The following TNRC18 variants were observed in gnomAD, a reference collection of about 807,000 sequenced individuals.
The protein encoded by TNRC18 is trinucleotide repeat-containing gene 18 protein.
In TNRC18, 69 loss-of-function variants were observed where a neutral mutation model predicts 226.7. The ratio of observed to expected loss-of-function variants is 0.30; its 90% CI spans 0.25 to 0.37. TNRC18 has a LOEUF of 0.37. Ranked by LOEUF, TNRC18 falls within the 10% of genes least tolerant of loss-of-function variation. The pLI is 1.00. For missense variants in TNRC18, 4,754 were observed against 4,256.6 expected (o/e 1.12, Z -3.25); for synonymous variants, 2,449 against 1,927.6 (o/e 1.27, Z -7.09).
chr7:5,402,120 C>A (rs949940229), intron 2 of TNRC18, among the ~76,000 whole-genome samples: 19 of 143,072 alleles, frequency 1.3e-4, no homozygotes, highest in Middle Eastern at 3.9e-3. Context: ...CGGAGCATGC[C>A]GTGAGCTGAG....
chr7:5,368,749 G>C (rs920772357), intron 11 of TNRC18, among the ~76,000 whole-genome samples: 2 of 151,806 alleles, frequency 1.3e-5, no homozygotes, highest in Admixed American at 6.6e-5. Flanking sequence ...CTTAATTTGA[G>C]AAGTAAATAT....
intron 17 of TNRC18, among the ~76,000 whole-genome samples, chr7:5,349,762 G>A (rs932119556): frequency 3.9e-5 from 6 of 152,220 alleles, no homozygotes; most frequent in Admixed American, 2.0e-4. Context: ...GTGGAGGGAT[G>A]GTCGGGCTGC....
chr7:5,367,119 C>G (rs547211372), intron 11 of TNRC18, among the ~76,000 whole-genome samples: 1 of 152,192 alleles, frequency 6.6e-6, no homozygotes, highest in South Asian at 2.1e-4. Flanking sequence ...AATCCCAGCA[C>G]TTTGGGAGGC....
chr7:5,414,253 C>G (rs1782019090), intron 2 of TNRC18, among the ~76,000 whole-genome samples: 1 of 151,694 alleles, frequency 6.6e-6, no homozygotes, highest in Non-Finnish European at 1.5e-5. Context: ...GCCTCACTGT[C>G]TTTTTTGATA....
intron 2 of TNRC18, chr7:5,420,745 G>C (rs919393325): frequency 1.3e-5 from 8 of 603,832 alleles, no homozygotes; most frequent in African/African-American, 1.3e-4. Flanking sequence ...CCCAGATTTT[G>C]AAAACTCCAG....
rs1479693418 is a variant in TNRC18, at chr7:5,328,005, T to G, written c.6148-2757A>C. On this transcript the variant is annotated intron_variant, in intron 19 of 29. Coordinates refer to ENST00000430969, the MANE Select transcript of TNRC18 (RefSeq NM_001080495.3). ...GGGAAGCCAAGGCAGGCGGATCACT[T>G]GAGGCCAGGAGTTCGAGACCAGCCC... is the stretch of plus-strand genomic sequence containing the variant. Among the ~76,000 whole-genome samples, 6 of 152,068 alleles carry G rather than the reference T, an allele frequency of 3.9e-5. No individual in the cohort carries two copies. In the East Asian group the frequency reaches 7.8e-4, roughly 20 times the overall value.
chr7:5,373,982 A>G (rs1184683168), intron 10 of TNRC18, 73 bp downstream of exon 10: 21 of 1,243,652 alleles, frequency 1.7e-5, no homozygotes, highest in Admixed American at 3.2e-5. Context: ...GAACGGGTCA[A>G]TGAAAAGATG....
intron 11 of TNRC18, among the ~76,000 whole-genome samples, chr7:5,368,581 C>T (rs1466104390): frequency 6.9e-6 from 1 of 144,396 alleles, no homozygotes. Context: ...GGAAAAATCG[C>T]TTGAACCTGG....
chr7:5,358,928 G>A (rs375382511), intron 15 of TNRC18, among the ~76,000 whole-genome samples: 1 of 152,194 alleles, frequency 6.6e-6, no homozygotes. Context: ...TCAATGTTCT[G>A]AAGAAATAAG....
chr7:5,338,961 T>G (rs1790399161), intron 18 of TNRC18, among the ~76,000 whole-genome samples: 1 of 140,078 alleles, frequency 7.1e-6, no homozygotes, highest in Admixed American at 7.2e-5. Flanking sequence ...ATTCTGGCTC[T>G]CCACAACCTC....
At chr7:5,415,279 G>A (rs1284859165) in intron 2 of TNRC18, among the ~76,000 whole-genome samples, 6 of 151,888 alleles carry the variant, frequency 4.0e-5, no homozygotes, top group Admixed American at 3.9e-4. Flanking sequence ...CAGATCAGTC[G>A]GGTGGGGGTG....
In TNRC18 at chr7:5,377,678, G is replaced by A; in HGVS notation, c.2256-102C>T. 1 of 1,302,812 alleles carries A rather than the reference G, an allele frequency of 7.7e-7. No individual in the cohort carries two copies. The highest frequency in any genetic ancestry group is 2.5e-5 in the East Asian group (1 of 39,336). The allele number at this position is 1,302,812 out of a possible 1,614,324, so 80.7% of individuals were successfully genotyped here. A position where few individuals can be genotyped will look rare whatever the true frequency, so the allele number is the denominator to read the frequency against. ...GGAACTGTTTGCCACCAGGCCATGA[G>A]TCAGGACAACCACTGCTCGGAACTG... On this transcript the variant is annotated intron_variant, in intron 6 of 29. Transcript: ENST00000430969. This position sits in a 1 kb window ranked among gnomAD's most constrained non-coding sequence, Gnocchi z 5.8.
intron 18 of TNRC18, among the ~76,000 whole-genome samples, chr7:5,335,167 G>A (rs1789963666): frequency 6.6e-6 from 1 of 151,798 alleles, no homozygotes; most frequent in Non-Finnish European, 1.5e-5. Flanking sequence ...GCCGGGCATG[G>A]TGGCGGGTGC....
chr7:5,413,125 C>T (rs4628168), intron 2 of TNRC18, among the ~76,000 whole-genome samples: 82,386 of 151,876 alleles, frequency 0.54, 24,275 homozygotes, highest in East Asian at 0.84. Flanking sequence ...CAGCCCATCC[C>T]GTAAAAAGCT....
At chr7:5,404,158 G>C (rs1404591881) in intron 2 of TNRC18, among the ~76,000 whole-genome samples, 2 of 152,154 alleles carry the variant, frequency 1.3e-5, no homozygotes, top group Non-Finnish European at 2.9e-5. Context: ...CGATCACAAG[G>C]TCAAGAGTTC....
intron 11 of TNRC18, among the ~76,000 whole-genome samples, chr7:5,365,883 A>C (rs1005818846): frequency 6.6e-5 from 10 of 152,094 alleles, no homozygotes; most frequent in Non-Finnish European, 8.8e-5. Flanking sequence ...CAGCCTGACC[A>C]ACATGGAGAA....
intron 17 of TNRC18, among the ~76,000 whole-genome samples, chr7:5,347,424 C>T (rs1316090117): frequency 1.3e-5 from 2 of 150,790 alleles, no homozygotes; most frequent in South Asian, 2.1e-4. Flanking sequence ...TCTCCATCTC[C>T]TGACCTCATG....
rs1181548808 is a variant in TNRC18, at chr7:5,377,454, G to A, written c.2378C>T (p.Ala793Val). The stretch of plus-strand genomic sequence containing the variant: ...CGTGGCCAGATGGGCTGCGGGGTCG[G>A]CAGACCAGCGACCTGAGCCCGCCAG... ...PALAGSGRWS[A>V]DPAAHLATHP... Residue 793 changes from alanine to valine, a missense_variant, in exon 7 of 30, where the codon GCC becomes GTC. Transcript: ENST00000430969. This position sits in a 1 kb window ranked among gnomAD's most constrained non-coding sequence, Gnocchi z 5.8. 2 of 1,582,544 alleles carry A rather than the reference G, an allele frequency of 1.3e-6. No homozygotes were observed. Among genetic ancestry groups the A allele is most frequent in the Non-Finnish European group, 8.6e-7 (1 of 1,165,742 alleles).
At chr7:5,316,872 G>C (rs539196897) in intron 24 of TNRC18, among the ~76,000 whole-genome samples, 1 of 152,256 alleles carries the variant, frequency 6.6e-6, no homozygotes, top group African/African-American at 2.4e-5. Flanking sequence ...GTGCTGGAGA[G>C]GCCCCAAGCA....
Sources: allele counts gnomAD v4.1 joint callset (sites outside exome capture counted in the v4.1 genomes callset), GRCh38; gene constraint gnomAD v4.1.1; non-coding constraint Gnocchi (gnomAD v3.1); transcripts MANE v1.5; gene names NCBI Gene and HGNC (gene_info 2026-07-23, HGNC 2026-07-21).